THADA: variants seen among roughly 807,000 people sequenced by gnomAD.
THADA encodes the protein THADA armadillo repeat containing.
In THADA, 213 loss-of-function variants were observed where a neutral mutation model predicts 219.8. That is an observed-to-expected ratio of 0.97 (90% CI 0.87 to 1.09). The LOEUF (loss-of-function observed/expected upper bound fraction) is 1.09, where lower values mean the gene tolerates loss of function less well. THADA is among the 50% of genes least tolerant of loss of function. The pLI is 0.00. For missense variants in THADA, 2,956 were observed against 2,311.3 expected (o/e 1.28, Z -5.72); for synonymous variants, 1,018 against 828.9 (o/e 1.23, Z -3.92).
chr2:43,566,698 C>T lies in THADA; in HGVS notation c.2311G>A (p.Gly771Ser). 6.2e-7 allele frequency: 1 copy of T among 1,607,198 alleles called. No individual in the cohort carries two copies. Among genetic ancestry groups the T allele is most frequent in the Non-Finnish European group, 8.5e-7 (1 of 1,177,964 alleles). ...SIAEVFHVPE[G>S]RIYTVYQLSH... ...TCCCCTAACATTATTAAACACTTAC[C>T]TTCTGGGACATGAAAAACTTCAGCT... The change falls in exon 15 of 38, where the codon GGC becomes AGC. Residue 771 changes from glycine to serine, a missense_variant and splice_region_variant. By Grantham distance (56) the Gly-to-Ser change is moderately conservative. Transcript: ENST00000405975.
chr2:43,362,207 T>C (rs1669603022), intron 29 of THADA, among the ~76,000 whole-genome samples: 1 of 152,266 alleles, frequency 6.6e-6, no homozygotes, highest in South Asian at 2.1e-4. Flanking sequence ...CTGTGTGTAT[T>C]AGTCTCACAA....
At chr2:43,502,581 T>C (rs1689132382) in intron 24 of THADA, among the ~76,000 whole-genome samples, 2 of 107,790 alleles carry the variant, frequency 1.9e-5, no homozygotes, top group Admixed American at 2.2e-4. Context: ...TGAGACCTCG[T>C]CTCAAAAAAA....
chr2:43,447,756 AGCTGCTGAAAC>A (rs1471872978), intron 26 of THADA, among the ~76,000 whole-genome samples: 3 of 152,160 alleles, frequency 2.0e-5, no homozygotes, highest in African/African-American at 7.2e-5. Context: ...TTTACCTAGT[AGCTGCTGAAAC>A]GACCTGTAAT....
chr2:43,421,329 C>T (rs945473922), intron 28 of THADA, among the ~76,000 whole-genome samples: 3 of 152,096 alleles, frequency 2.0e-5, no homozygotes, highest in Admixed American at 6.6e-5. Context: ...GGCTGGGCAG[C>T]GGGGGAAGGG....
At chr2:43,501,578 G>C (rs1193016195) in intron 24 of THADA, among the ~76,000 whole-genome samples, 1 of 152,068 alleles carries the variant, frequency 6.6e-6, no homozygotes, top group Non-Finnish European at 1.5e-5. Context: ...AGGTCATTCT[G>C]AAGGGAAAAC....
chr2:43,259,478 T>C (rs1670698817), intron 36 of THADA, among the ~76,000 whole-genome samples: 2 of 152,242 alleles, frequency 1.3e-5, no homozygotes, highest in Admixed American at 1.3e-4. Context: ...GCCAGGCCCC[T>C]GTAGGCAGCA....
chr2:43,555,065 A>G (rs1558962772), intron 17 of THADA, among the ~76,000 whole-genome samples: 1 of 152,176 alleles, frequency 6.6e-6, no homozygotes, highest in African/African-American at 2.4e-5. Flanking sequence ...AAAGATCTAC[A>G]TAAGAATGTT....
At position 43,378,364 on chromosome 2, in the gene THADA, C is replaced by T. The variant is rs538956150; in HGVS notation, c.4227+19607G>A. 1.3e-3 allele frequency among the ~76,000 whole-genome samples: 196 copies of T among 152,016 alleles called. 1 individual carries two copies. The highest frequency in any genetic ancestry group is 4.1e-3 in the African/African-American group (169 of 41,462). ...TGTGAAATGGCAATATTCAAAGAAACGGAGATAAAGAATATTCTGGAATTT... is the reference window on the plus strand; with the variant it reads ...TGTGAAATGGCAATATTCAAAGAAATGGAGATAAAGAATATTCTGGAATTT... On this transcript the variant is annotated intron_variant, in intron 29 of 37. Coordinates refer to ENST00000405975, the MANE Select transcript of THADA (RefSeq NM_022065.5).
intron 36 of THADA, among the ~76,000 whole-genome samples, chr2:43,260,861 G>C (rs1409552486): frequency 2.0e-5 from 3 of 152,096 alleles, no homozygotes; most frequent in African/African-American, 7.2e-5. Context: ...CAGAGTACAA[G>C]GTTTATACCT....
intron 30 of THADA, among the ~76,000 whole-genome samples, chr2:43,332,134 G>A (rs902797185): frequency 1.2e-4 from 18 of 152,006 alleles, no homozygotes; most frequent in African/African-American, 3.9e-4. Context: ...CACCCAGGCC[G>A]GAGTGCAGTG....
At chr2:43,412,089 G>C (rs749339469) in intron 28 of THADA, among the ~76,000 whole-genome samples, 5 of 152,052 alleles carry the variant, frequency 3.3e-5, no homozygotes, top group Admixed American at 6.6e-5. Flanking sequence ...TTTTATGTTG[G>C]ATTTTAAACA....
At position 43,591,986 on chromosome 2, in the gene THADA, G is replaced by A. The variant is rs948577418; in HGVS notation, c.137C>T (p.Thr46Met). 1.9e-5 allele frequency: 30 copies of A among 1,559,990 alleles called. No homozygotes were observed. The highest frequency in any genetic ancestry group is 2.4e-5 in the Non-Finnish European group (28 of 1,150,586). Residue 46 changes from threonine to methionine, a missense_variant, in exon 3 of 38, where the codon ACG becomes ATG. Transcript: ENST00000405975. ...ATAATGGATTTGTGACACTCCATCC[G>A]TGAGTTGCACACAATGTAACAGCAA... ...ASLLLHCVQLTDGVSQIHYIK... is the reference protein window; with the variant it reads ...ASLLLHCVQLMDGVSQIHYIK...
intron 36 of THADA, among the ~76,000 whole-genome samples, chr2:43,239,420 C>T (rs958239419): frequency 3.3e-5 from 5 of 152,232 alleles, no homozygotes; most frequent in Admixed American, 6.5e-5. Flanking sequence ...CAGTGTGTTG[C>T]CTCCACTACA....
intron 29 of THADA, among the ~76,000 whole-genome samples, chr2:43,397,664 T>C (rs536576147): frequency 3.3e-5 from 5 of 151,854 alleles, no homozygotes; most frequent in Admixed American, 6.6e-5. Context: ...GCAGGCATAC[T>C]TGATGGAAAA....
At chr2:43,530,937 C>G (rs1198572318) in intron 21 of THADA, among the ~76,000 whole-genome samples, 1 of 152,200 alleles carries the variant, frequency 6.6e-6, no homozygotes. Flanking sequence ...TCATTTTGCA[C>G]TTAATAATTT....
intron 16 of THADA, among the ~76,000 whole-genome samples, chr2:43,556,756 C>T (rs960708766): frequency 6.6e-6 from 1 of 151,946 alleles, no homozygotes; most frequent in African/African-American, 2.4e-5. Context: ...GAGACCCCAT[C>T]TCAAAAAAAC....
chr2:43,460,744 G>A (rs1683542415), intron 26 of THADA, among the ~76,000 whole-genome samples: 1 of 152,208 alleles, frequency 6.6e-6, no homozygotes, highest in South Asian at 2.1e-4. Context: ...GGTTGGCGTG[G>A]TAAGAGCCAT....
At chr2:43,324,773 C>T (rs1472487893) in intron 30 of THADA, among the ~76,000 whole-genome samples, 1 of 152,078 alleles carries the variant, frequency 6.6e-6, no homozygotes, top group Non-Finnish European at 1.5e-5. Context: ...AGCAGCACGC[C>T]AGCTGGACAG....
At chr2:43,584,355 C>T (rs558735310) in intron 7 of THADA, among the ~76,000 whole-genome samples, 2 of 152,170 alleles carry the variant, frequency 1.3e-5, no homozygotes, top group South Asian at 2.1e-4. Flanking sequence ...ATCCTGAGTA[C>T]ATAGGTGGTG....
Sources: gnomAD v4.1 joint callset for allele counts (sites outside exome capture counted in the v4.1 genomes callset) on GRCh38, gnomAD v4.1.1 for gene constraint, MANE v1.5 for transcripts, NCBI Gene and HGNC (gene_info 2026-07-23, HGNC 2026-07-21) for gene names.